Variants in ADAR observed in about 807,000 individuals in gnomAD.
The protein encoded by ADAR is double-stranded RNA-specific adenosine deaminase.
A neutral mutation model predicts 113.2 loss-of-function variants in ADAR; 41 were observed. The ratio of observed to expected loss-of-function variants is 0.36; its 90% CI spans 0.28 to 0.47. ADAR has a LOEUF of 0.47. Ranked by LOEUF, ADAR falls within the 20% of genes least tolerant of loss-of-function variation. ADAR has a pLI of 1.00. For synonymous variants in ADAR, 605 were observed against 572.6 expected (o/e 1.06, Z -0.81); for missense variants, 1,242 against 1,540.9 (o/e 0.81, Z 3.25).
In ADAR at chr1:154,583,709, T is replaced by C. The variant is rs1571039855; in HGVS notation, c.*1097A>G. Reference sequence around the variant, plus strand: ...TGTAGCAGTTAAGAATCAACATCTATGGCATTCTTTAAAACACTCCTAATT... The same window carrying C: ...TGTAGCAGTTAAGAATCAACATCTACGGCATTCTTTAAAACACTCCTAATT... On this transcript the variant is annotated 3_prime_UTR_variant, in exon 15 of 15. Coordinates refer to ENST00000368474, the MANE Select transcript of ADAR (RefSeq NM_001111.5). 6.6e-6 allele frequency: 1 copy of C among 152,378 alleles called. No homozygotes were observed. The highest frequency in any genetic ancestry group is 1.9e-4 in the East Asian group (1 of 5,194). 9.4% of individuals were successfully genotyped at this position (152,378 alleles called of 1,614,324 possible).
At chr1:154,624,831 A>G (rs1571154482) in intron 1 of ADAR, among the ~76,000 whole-genome samples, 2 of 152,350 alleles carry the variant, frequency 1.3e-5, no homozygotes, top group South Asian at 4.1e-4. Context: ...TGTTGTTCAC[A>G]TATTTGAGAA....
chr1:154,622,028 A>C (rs1412512866), intron 1 of ADAR, among the ~76,000 whole-genome samples: 1 of 152,150 alleles, frequency 6.6e-6, no homozygotes. Flanking sequence ...CATAACATGT[A>C]ACCAGGAAGA....
At chr1:154,609,813 G>A (rs548670240), upstream of ADAR, among the ~76,000 whole-genome samples, 3 of 152,296 alleles carry the variant, frequency 2.0e-5, no homozygotes, top group Middle Eastern at 3.4e-3. Flanking sequence ...AAATAAGAGC[G>A]CCATCCTTTA....
At chr1:154,623,069 A>T (rs1698834825) in intron 1 of ADAR, among the ~76,000 whole-genome samples, 1 of 151,940 alleles carries the variant, frequency 6.6e-6, no homozygotes, top group Non-Finnish European at 1.5e-5. Flanking sequence ...AGCAAAGGAC[A>T]CTCTGTCCTC....
At chr1:154,627,976 T>C (rs771459217), upstream of ADAR, 3 of 507,736 alleles carry the variant, frequency 5.9e-6, no homozygotes, top group Admixed American at 2.0e-5. Flanking sequence ...ATCAATGGTC[T>C]GGTCGCAGAT....
chr1:154,586,983 GAT>G (rs1696805618), intron 11 of ADAR, among the ~76,000 whole-genome samples: 1 of 152,148 alleles, frequency 6.6e-6, no homozygotes, highest in Non-Finnish European at 1.5e-5. Flanking sequence ...GCTTTACTGA[GAT>G]ATAGTTCATA....
rs1163312977 is a variant in ADAR at position 154,588,171 on chromosome 1, G to A, written c.2973C>T (p.Val991=). Residue 991 remains valine (V), a synonymous_variant, in exon 11 of 15, where the codon GTC becomes GTT. Coordinates refer to ENST00000368474, the MANE Select transcript of ADAR (RefSeq NM_001111.5). ...GCTTTCCTTGTTTGGGATTCTCGAA[G>A]ACAGGGTAGTGGCGGGATTCTGTGC... is the stretch of plus-strand genomic sequence containing the variant. ...MESTESRHYP[V]FENPKQGKLR... 6.2e-7 allele frequency: 1 copy of A among 1,614,158 alleles called. No individual in the cohort carries two copies. Among genetic ancestry groups the A allele is most frequent in the Non-Finnish European group, 8.5e-7 (1 of 1,180,030 alleles).
At chr1:154,605,232 C>T (rs1698116472) in intron 1 of ADAR, among the ~76,000 whole-genome samples, 1 of 152,126 alleles carries the variant, frequency 6.6e-6, no homozygotes, top group South Asian at 2.1e-4. Flanking sequence ...TTCTATCCCT[C>T]TACATGCCAA....
rs1225060397 is a variant in ADAR, at chr1:154,584,214, T to C, written c.*592A>G. 6.5e-6 allele frequency: 1 copy of C among 152,798 alleles called. No individual in the cohort carries two copies. The highest frequency in any genetic ancestry group is 2.4e-5 in the African/African-American group (1 of 41,464). 9.5% of individuals were successfully genotyped at this position (152,798 alleles called of 1,614,324 possible). On this transcript the variant is annotated 3_prime_UTR_variant, in exon 15 of 15. Transcript: ENST00000368474. The stretch of plus-strand genomic sequence containing the variant: ...CATTATCTGCAGGCTCCAATCACAC[T>C]TCCGTGGCACTGGGAACTGCAGTTT...
rs901791518 is a variant in ADAR, at chr1:154,608,087, G to A, written c.-81C>T. ...CCGCTGGGCCGCGCCAGCCCCTCGA[G>A]GCCCCCACGCCTCCGCTACTCCGCA... is the stretch of plus-strand genomic sequence containing the variant. On this transcript the variant is annotated 5_prime_UTR_variant, in exon 1 of 15. Transcript: ENST00000368474. 8.1e-6 allele frequency: 12 copies of A among 1,473,020 alleles called. No individual in the cohort carries two copies. In the Admixed American group the frequency reaches 2.1e-4, roughly 26 times the overall value. The allele number at this position is 1,473,020 out of a possible 1,614,324, so 91.2% of individuals were successfully genotyped here. A position where few individuals can be genotyped will look rare whatever the true frequency, so the allele number is the denominator to read the frequency against.
intron 1 of ADAR, among the ~76,000 whole-genome samples, chr1:154,626,717 T>C (rs1698947734): frequency 6.6e-6 from 1 of 152,164 alleles, no homozygotes; most frequent in Non-Finnish European, 1.5e-5. Flanking sequence ...ATTTTGTAGA[T>C]AAGCCCAAGT....
chr1:154,592,138 G>A (rs1697187980), intron 6 of ADAR, among the ~76,000 whole-genome samples: 1 of 152,184 alleles, frequency 6.6e-6, no homozygotes, highest in East Asian at 1.9e-4. Context: ...ATTGCCATAA[G>A]TGCCTCCTCT....
At chr1:154,622,570 C>A (rs947544115) in intron 1 of ADAR, among the ~76,000 whole-genome samples, 1 of 152,188 alleles carries the variant, frequency 6.6e-6, no homozygotes, top group Non-Finnish European at 1.5e-5. Context: ...TAATATACAA[C>A]CTATCAAAGT....
Position 154,584,798 on chromosome 1 carries a change from G to A in ADAR, c.*8C>T. On this transcript the variant is annotated 3_prime_UTR_variant, in exon 15 of 15. Transcript: ENST00000368474. Reference sequence around the variant, plus strand: ...GACACACCCTAATCCATCTGTCACTGGAGCATACTATACTGGGCAGAGATA... The same window carrying A: ...GACACACCCTAATCCATCTGTCACTAGAGCATACTATACTGGGCAGAGATA... 5 of 1,607,082 alleles carry A rather than the reference G, an allele frequency of 3.1e-6. No individual in the cohort carries two copies. Among genetic ancestry groups the A allele is most frequent in the East Asian group, 2.2e-5 (1 of 44,858 alleles).
chr1:154,593,976 T>C (rs1010625710), intron 6 of ADAR, among the ~76,000 whole-genome samples: 2 of 152,170 alleles, frequency 1.3e-5, no homozygotes, highest in East Asian at 3.9e-4. Context: ...TTCCGCCTCC[T>C]GGGTTCAAGT....
intron 1 of ADAR, among the ~76,000 whole-genome samples, chr1:154,623,859 C>T (rs1698860627): frequency 6.6e-6 from 1 of 151,872 alleles, no homozygotes; most frequent in Non-Finnish European, 1.5e-5. Flanking sequence ...AAAAATTAGC[C>T]GGGGGTAGTG....
rs1024637581 is a variant in ADAR, at chr1:154,586,115, C to T, written c.3202+66G>A. The stretch of plus-strand genomic sequence containing the variant: ...GGAGACAAAACACCTGGCAATAAAG[C>T]ATGCAGTTTGGGATCTGGGCACAAG... On this transcript the variant is annotated intron_variant, in intron 12 of 14. Transcript: ENST00000368474. The T allele has an allele frequency of 3.1e-6, 5 of 1,588,966 alleles. 1 individual carries two copies. The Admixed American group carries it at 8.3e-5, about 26-fold the overall frequency.
chr1:154,597,279 T>C lies in ADAR; in HGVS notation c.1935-12A>G, dbSNP rs779568957. ...CACAGTATTGGAACCTGACAGGAGA[T>C]GAAGCACGTAGAAGGATTAAAATGG... On this transcript the variant is annotated splice_polypyrimidine_tract_variant and intron_variant, in intron 4 of 14. Transcript: ENST00000368474. The C allele has an allele frequency of 7.4e-6, 12 of 1,614,130 alleles. No individual in the cohort carries two copies. The highest frequency in any genetic ancestry group is 1.3e-5 in the African/African-American group (1 of 75,042).
At chr1:154,614,967 A>G (rs1437517617) in intron 1 of ADAR, among the ~76,000 whole-genome samples, 1 of 152,258 alleles carries the variant, frequency 6.6e-6, no homozygotes, top group Admixed American at 6.5e-5. Context: ...CACACAGAGG[A>G]AAAGGCCATG....
Sources: allele counts gnomAD v4.1 joint callset (sites outside exome capture counted in the v4.1 genomes callset), GRCh38; gene constraint gnomAD v4.1.1; transcripts MANE v1.5; gene names NCBI Gene and HGNC (gene_info 2026-07-23, HGNC 2026-07-21).